Variants in ETFRF1 observed in about 807,000 individuals in gnomAD.
ETFRF1 encodes electron transfer flavoprotein regulatory factor 1.
Under a neutral mutation model 9.0 loss-of-function variants are expected in ETFRF1, and 12 were observed. The ratio of observed to expected loss-of-function variants is 1.34; its 90% CI spans 0.86 to 2.16. The LOEUF is 2.16. ETFRF1 is among the 30% of genes most tolerant of loss of function. The pLI, the probability that ETFRF1 is intolerant of heterozygous loss-of-function variation, is 0.00. For missense variants in ETFRF1, 98 were observed against 101.8 expected (o/e 0.96, Z 0.16); for synonymous variants, 34 against 33.2 (o/e 1.02, Z -0.08).
Position 25,204,391 on chromosome 12 carries a change from G to A in ETFRF1, c.*79G>A. On this transcript the variant is annotated 3_prime_UTR_variant, in exon 3 of 3. Transcript: ENST00000381356. ...TTGTAAAATAATTCTAACTTAAAAT[G>A]GGAAGATATACATGTTGTGTAAAAA... 8.3e-7 allele frequency: 1 copy of A among 1,203,740 alleles called. No homozygotes were observed. Among genetic ancestry groups the A allele is most frequent in the Non-Finnish European group, 1.1e-6 (1 of 885,604 alleles). The allele number at this position is 1,203,740 out of a possible 1,614,324, so 74.6% of individuals were successfully genotyped here.
intron 1 of ETFRF1, chr12:25,196,015 T>C (rs770451023): frequency 7.9e-5 from 12 of 152,254 alleles, no homozygotes; most frequent in Non-Finnish European, 1.2e-4. Flanking sequence ...AGACCTGAAA[T>C]ACTTTTAAAT....
rs1324102123 is a variant in ETFRF1 at position 25,195,292 on chromosome 12, A to G, written c.-83A>G. ...ACCCCGCTTCGCAGTAGACGGACAG[A>G]GGAGTCGTAGCGGTCGAGGCTTTTG... On this transcript the variant is annotated 5_prime_UTR_variant, in exon 1 of 3. Coordinates refer to ENST00000381356, the MANE Select transcript of ETFRF1 (RefSeq NM_001001660.3). 3 of 619,000 alleles carry G rather than the reference A, an allele frequency of 4.8e-6. No individual in the cohort carries two copies. Among genetic ancestry groups the G allele is most frequent in the Non-Finnish European group, 8.6e-6 (3 of 348,234 alleles). The allele number at this position is 619,000 out of a possible 1,614,324, so 38.3% of individuals were successfully genotyped here. A position where few individuals can be genotyped will look rare whatever the true frequency, so the allele number is the denominator to read the frequency against.
intron 1 of ETFRF1, among the ~76,000 whole-genome samples, chr12:25,200,090 A>T (rs1258266168): frequency 2.6e-5 from 4 of 152,098 alleles, no homozygotes; most frequent in African/African-American, 9.7e-5. Flanking sequence ...GGCACCTGTA[A>T]TTCCAGCTAC....
intron 1 of ETFRF1, among the ~76,000 whole-genome samples, chr12:25,202,252 C>A: frequency 6.6e-6 from 1 of 151,314 alleles, no homozygotes. Flanking sequence ...AAAGTTGCTT[C>A]CTGCTTGCCT....
chr12:25,201,632 A>G (rs1951073609), intron 1 of ETFRF1, among the ~76,000 whole-genome samples: 1 of 152,018 alleles, frequency 6.6e-6, no homozygotes, highest in Non-Finnish European at 1.5e-5. Flanking sequence ...TGCAGTTTCT[A>G]TGTCTAATAC....
chr12:25,198,003 A>T lies in ETFRF1; in HGVS notation c.-38+2666A>T, dbSNP rs137990272. Among the ~76,000 whole-genome samples the T allele has an allele frequency of 8.5e-5, 13 of 152,356 alleles. No individual in the cohort carries two copies. In the East Asian group the frequency reaches 2.5e-3, roughly 29 times the overall value. ...CAGAAGCTGGAAAACAGGTGAATGA[A>T]TGTGACTTAGCACACCAGAAAAACC... On this transcript the variant is annotated intron_variant, in intron 1 of 2. Coordinates refer to ENST00000381356, the MANE Select transcript of ETFRF1 (RefSeq NM_001001660.3).
At chr12:25,202,063 C>A (rs12229363) in intron 1 of ETFRF1, among the ~76,000 whole-genome samples, 149 of 52,748 alleles carry the variant, frequency 2.8e-3, no homozygotes, top group South Asian at 6.9e-3. Context: ...TACTGAAATA[C>A]AAAAAAAAAA....
At chr12:25,202,971 C>T (rs1013845162) in intron 1 of ETFRF1, among the ~76,000 whole-genome samples, 2 of 152,178 alleles carry the variant, frequency 1.3e-5, no homozygotes, top group Non-Finnish European at 2.9e-5. Context: ...TGGTGATTAG[C>T]ATTTTTAGCA....
intron 1 of ETFRF1, among the ~76,000 whole-genome samples, chr12:25,196,458 C>T (rs533378761): frequency 2.0e-5 from 3 of 152,264 alleles, no homozygotes; most frequent in African/African-American, 7.2e-5. Context: ...TTTACTGAAG[C>T]TCTCACTGTA....
rs74849016 is a variant in ETFRF1, at chr12:25,202,963, G to A, written c.-37-957G>A. Among the ~76,000 whole-genome samples the A allele has an allele frequency of 1.4e-3, 210 of 152,280 alleles. 1 individual carries two copies. Among genetic ancestry groups the A allele is most frequent in the African/African-American group, 4.9e-3 (204 of 41,538 alleles). ...ACCTGGGAACAGTGACAGTCCCATG[G>A]TGATTAGCATTTTTAGCACCCAGAC... On this transcript the variant is annotated intron_variant, in intron 1 of 2. Coordinates refer to ENST00000381356, the MANE Select transcript of ETFRF1 (RefSeq NM_001001660.3).
chr12:25,198,413 A>G (rs1371283598), intron 1 of ETFRF1, among the ~76,000 whole-genome samples: 2 of 152,150 alleles, frequency 1.3e-5, no homozygotes, highest in Admixed American at 1.3e-4. Context: ...TGAAGCCCAG[A>G]GTCTATATGC....
At position 25,204,179 on chromosome 12, in the gene ETFRF1, A is replaced by C. The variant is rs770883401; in HGVS notation, c.140A>C (p.Lys47Thr). The change falls in exon 3 of 3, where the codon AAG (lysine) becomes ACG (threonine). Residue 47 changes from lysine (K) to threonine (T), a missense_variant. By Grantham distance (78) the Lys-to-Thr change is moderately conservative. Transcript: ENST00000381356. ...KNIFLKNKDV[K>T]NPEKIKELIA... ...ATTTTCCTTAAAAACAAAGATGTGA[A>C]GAATCCAGAGAAGATCAAAGAACTT... is the stretch of plus-strand genomic sequence containing the variant. 2 of 1,613,296 alleles carry C rather than the reference A, an allele frequency of 1.2e-6. No individual in the cohort carries two copies. The highest frequency in any genetic ancestry group is 2.2e-5 in the South Asian group (2 of 90,932).
rs923748255 is a variant in ETFRF1, at chr12:25,203,824, G to A, written c.-37-96G>A. ...AGTTATCAAGAAATATTTATTGAAT[G>A]TAAAAAAGGTTACCATTTTCTCAAT... On this transcript the variant is annotated intron_variant, in intron 1 of 2. Coordinates refer to ENST00000381356, the MANE Select transcript of ETFRF1 (RefSeq NM_001001660.3). 10 of 663,728 alleles carry A rather than the reference G, an allele frequency of 1.5e-5. No individual in the cohort carries two copies. The African/African-American group carries it at 1.7e-4, about 11-fold the overall frequency. The allele number at this position is 663,728 out of a possible 1,614,324, so 41.1% of individuals were successfully genotyped here.
chr12:25,202,793 G>T (rs759912379), intron 1 of ETFRF1, among the ~76,000 whole-genome samples: 5 of 152,182 alleles, frequency 3.3e-5, no homozygotes, highest in Non-Finnish European at 7.3e-5. Context: ...TTAAACCCAT[G>T]TAAAGAGGGG....
At chr12:25,200,673 C>G (rs913272614) in intron 1 of ETFRF1, among the ~76,000 whole-genome samples, 1 of 152,170 alleles carries the variant, frequency 6.6e-6, no homozygotes, top group Admixed American at 6.5e-5. Flanking sequence ...AGGGAGCCAG[C>G]CATTTTTAGA....
intron 1 of ETFRF1, among the ~76,000 whole-genome samples, chr12:25,198,736 A>G (rs1456441641): frequency 6.6e-6 from 1 of 152,224 alleles, no homozygotes; most frequent in Non-Finnish European, 1.5e-5. Context: ...ACAAGTATTA[A>G]TGTAGAAGTA....
At chr12:25,198,272 A>G (rs1337580695) in intron 1 of ETFRF1, among the ~76,000 whole-genome samples, 3 of 152,154 alleles carry the variant, frequency 2.0e-5, no homozygotes, top group Non-Finnish European at 4.4e-5. Flanking sequence ...TGCTGGATGC[A>G]GGGCCCGCAT....
intron 1 of ETFRF1, among the ~76,000 whole-genome samples, chr12:25,196,904 C>T (rs1212416962): frequency 6.6e-6 from 1 of 152,126 alleles, no homozygotes; most frequent in Non-Finnish European, 1.5e-5. Context: ...CCTGTAATCC[C>T]AGCATTTTGA....
chr12:25,201,580 C>T (rs926317261), intron 1 of ETFRF1, among the ~76,000 whole-genome samples: 2 of 151,794 alleles, frequency 1.3e-5, no homozygotes, highest in African/African-American at 4.9e-5. Flanking sequence ...ATGATGGGTA[C>T]CCAGATGTAT....
Sources: gnomAD v4.1 joint callset for allele counts (sites outside exome capture counted in the v4.1 genomes callset) on GRCh38, gnomAD v4.1.1 for gene constraint, MANE v1.5 for transcripts, NCBI Gene and HGNC (gene_info 2026-07-23, HGNC 2026-07-21) for gene names.